PDE1A: variants seen among roughly 807,000 people sequenced by gnomAD.
PDE1A encodes the protein phosphodiesterase 1A.
Under a neutral mutation model 61.7 loss-of-function variants are expected in PDE1A, and 35 were observed. The ratio of observed to expected loss-of-function variants is 0.57; its 90% CI spans 0.43 to 0.75. The LOEUF is 0.75. Ranked by LOEUF, PDE1A falls within the 30% of genes least tolerant of loss-of-function variation. The pLI, the probability that PDE1A is intolerant of heterozygous loss-of-function variation, is 0.00. For missense variants in PDE1A, 597 were observed against 630.6 expected (o/e 0.95, Z 0.57); for synonymous variants, 232 against 213.2 (o/e 1.09, Z -0.77).
intron 2 of PDE1A, among the ~76,000 whole-genome samples, chr2:182,257,676 G>A (rs887005712): frequency 6.6e-6 from 1 of 152,186 alleles, no homozygotes; most frequent in African/African-American, 2.4e-5. Flanking sequence ...GATCCTTAGA[G>A]ATGAATGACA....
At chr2:182,515,412 A>G (rs186729274) in intron 2 of PDE1A, among the ~76,000 whole-genome samples, 1 of 152,330 alleles carries the variant, frequency 6.6e-6, no homozygotes, top group Non-Finnish European at 1.5e-5. Flanking sequence ...AAGTTTAGGT[A>G]AATTAATAAC....
chr2:182,528,276 G>A, the PDE1A span, among the ~76,000 whole-genome samples: 5 of 152,162 alleles, frequency 3.3e-5, no homozygotes, highest in African/African-American at 1.2e-4. Flanking sequence ...TGAGGAACTT[G>A]TTCGGAACTG....
At chr2:182,592,539 A>T in the PDE1A span, among the ~76,000 whole-genome samples, 2 of 152,198 alleles carry the variant, frequency 1.3e-5, no homozygotes, top group South Asian at 4.1e-4. Flanking sequence ...AGATTATTTC[A>T]ATTTTGAACT....
chr2:182,534,548 C>T, the PDE1A span, among the ~76,000 whole-genome samples: 1 of 151,494 alleles, frequency 6.6e-6, no homozygotes, highest in Non-Finnish European at 1.5e-5. Flanking sequence ...AAATTTATTA[C>T]TAATGAGAAT....
chr2:182,709,738 G>C, the PDE1A span, among the ~76,000 whole-genome samples: 1 of 152,264 alleles, frequency 6.6e-6, no homozygotes, highest in Non-Finnish European at 1.5e-5. Flanking sequence ...ATTGAGTTTT[G>C]ATTTATTACA....
At chr2:182,454,751 C>T (rs899764046) in intron 2 of PDE1A, among the ~76,000 whole-genome samples, 3 of 151,934 alleles carry the variant, frequency 2.0e-5, no homozygotes, top group African/African-American at 7.3e-5. Flanking sequence ...TTCCTTACAC[C>T]TTATACAAAA....
intron 1 of PDE1A, among the ~76,000 whole-genome samples, chr2:182,403,677 C>G (rs999113276): frequency 4.6e-5 from 7 of 151,812 alleles, no homozygotes; most frequent in Non-Finnish European, 7.4e-5. Context: ...AGTTCATGTC[C>G]TTTGCAGGGA....
intron 1 of PDE1A, among the ~76,000 whole-genome samples, chr2:182,315,369 TTC>T (rs758850351): frequency 6.6e-6 from 1 of 152,182 alleles, no homozygotes; most frequent in African/African-American, 2.4e-5. Context: ...GACACAGAGT[TTC>T]TCTCTCAGAA....
chr2:182,508,533 T>G (rs1391983550), intron 2 of PDE1A, among the ~76,000 whole-genome samples: 1 of 151,828 alleles, frequency 6.6e-6, no homozygotes, highest in Non-Finnish European at 1.5e-5. Context: ...AAAAGTTCTC[T>G]ACGTGGATAT....
intron 1 of PDE1A, among the ~76,000 whole-genome samples, chr2:182,278,479 A>C (rs1416269365): frequency 6.6e-6 from 1 of 152,052 alleles, no homozygotes; most frequent in Non-Finnish European, 1.5e-5. Flanking sequence ...AGAGTCTTTA[A>C]AGAAGTATCA....
chr2:182,309,371 C>CA (rs1356592161), intron 1 of PDE1A, among the ~76,000 whole-genome samples: 2 of 151,980 alleles, frequency 1.3e-5, no homozygotes, highest in African/African-American at 2.4e-5. Context: ...ATCACATACA[C>CA]AAAAATATAC....
chr2:182,498,416 T>C (rs143732492), intron 2 of PDE1A, among the ~76,000 whole-genome samples: 1,704 of 152,126 alleles, frequency 0.011, 32 homozygotes, highest in African/African-American at 0.038. Flanking sequence ...GAGATAGATG[T>C]TAAAGTTTTG....
intron 2 of PDE1A, among the ~76,000 whole-genome samples, chr2:182,261,540 G>T (rs1203962064): frequency 6.6e-6 from 1 of 152,132 alleles, no homozygotes; most frequent in South Asian, 2.1e-4. Flanking sequence ...GGTGTTAAAA[G>T]ATGGAATGTT....
chr2:182,386,959 C>T (rs539089935), intron 1 of PDE1A, among the ~76,000 whole-genome samples: 2 of 152,226 alleles, frequency 1.3e-5, no homozygotes, highest in African/African-American at 2.4e-5. Flanking sequence ...ATGACGACGG[C>T]GGTTTTGTGA....
chr2:182,429,138 A>AGAC (rs1045571132), upstream of PDE1A, among the ~76,000 whole-genome samples: 40 of 152,236 alleles, frequency 2.6e-4, no homozygotes, highest in African/African-American at 9.4e-4. Context: ...AACCAATCTG[A>AGAC]GACCCTATAA....
the PDE1A span, among the ~76,000 whole-genome samples, chr2:182,672,334 C>T: frequency 6.6e-6 from 1 of 152,242 alleles, no homozygotes; most frequent in East Asian, 1.9e-4. Context: ...TGTTACTTTA[C>T]CATTACTTTT....
the PDE1A span, among the ~76,000 whole-genome samples, chr2:182,528,759 C>G: frequency 1.3e-5 from 2 of 152,170 alleles, no homozygotes; most frequent in Non-Finnish European, 2.9e-5. Context: ...CCCTGTATCC[C>G]AGCCAGTCCA....
intron 1 of PDE1A, among the ~76,000 whole-genome samples, chr2:182,372,797 G>A (rs930045924): frequency 6.6e-6 from 1 of 152,228 alleles, no homozygotes; most frequent in African/African-American, 2.4e-5. Flanking sequence ...CCAACGGTTA[G>A]CACTGGGAAG....
At chr2:182,409,724 T>C (rs189184865) in intron 1 of PDE1A, among the ~76,000 whole-genome samples, 19 of 152,272 alleles carry the variant, frequency 1.2e-4, no homozygotes, top group African/African-American at 4.6e-4. Context: ...AAATGTCTTT[T>C]TATAGATGAA....
Sources: allele counts gnomAD v4.1 joint callset (sites outside exome capture counted in the v4.1 genomes callset), GRCh38; gene constraint gnomAD v4.1.1; transcripts MANE v1.5; gene names NCBI Gene and HGNC (gene_info 2026-07-23, HGNC 2026-07-21).